Variants in ZNF804A observed in about 807,000 individuals in gnomAD.
The protein encoded by ZNF804A is zinc finger protein 804A.
A neutral mutation model predicts 16.5 loss-of-function variants in ZNF804A; 2 were observed. That is an observed-to-expected ratio of 0.12 (90% CI 0.05 to 0.38). The LOEUF (loss-of-function observed/expected upper bound fraction) is 0.38. Among genes scored for constraint, ZNF804A ranks in the 10% least tolerant of loss-of-function variants. The pLI, the probability that ZNF804A is intolerant of heterozygous loss-of-function variation, is 0.99. For synonymous variants in ZNF804A, 534 were observed against 489.6 expected, an observed-to-expected ratio of 1.09 and a Z score of -1.20; for missense variants, 1,473 against 1,390.7, an observed-to-expected ratio of 1.06 and a Z score of -0.94.
chr2:184,924,180 G>T (rs1685574080), intron 2 of ZNF804A, among the ~76,000 whole-genome samples: 1 of 151,840 alleles, frequency 6.6e-6, no homozygotes, highest in Non-Finnish European at 1.5e-5. Flanking sequence ...GTTCAATTCA[G>T]TAGTAAAGTC....
intron 1 of ZNF804A, among the ~76,000 whole-genome samples, chr2:184,752,041 T>C (rs1378492507): frequency 6.6e-6 from 1 of 151,682 alleles, no homozygotes; most frequent in Non-Finnish European, 1.5e-5. Context: ...GGGTAGTATA[T>C]TAGTTTAACC....
chr2:184,603,295 T>C (rs571524818), intron 1 of ZNF804A, among the ~76,000 whole-genome samples: 1 of 152,266 alleles, frequency 6.6e-6, no homozygotes, highest in Non-Finnish European at 1.5e-5. Context: ...TCATTTTGAA[T>C]CTGTTAAAAA....
chr2:184,749,404 C>G (rs1693842322), intron 1 of ZNF804A, among the ~76,000 whole-genome samples: 1 of 150,924 alleles, frequency 6.6e-6, no homozygotes, highest in African/African-American at 2.4e-5. Flanking sequence ...GAGCAATGCT[C>G]CTGATATTTG....
chr2:184,912,457 G>A (rs1393879513), intron 2 of ZNF804A, among the ~76,000 whole-genome samples: 1 of 151,726 alleles, frequency 6.6e-6, no homozygotes, highest in African/African-American at 2.4e-5. Flanking sequence ...AAACAATTTG[G>A]GCATATACCT....
At position 184,773,267 on chromosome 2, in the gene ZNF804A, GT is replaced by G. The variant is rs35543924; in HGVS notation, c.112-93095del. On this transcript the variant is annotated intron_variant, in intron 1 of 3. Transcript: ENST00000302277. ...AGTTCTTTTAGATTTTTGTTTGTTT[GT>G]TTTTTTAACCTGGTCATCAATTCTC... 2.4e-4 allele frequency among the ~76,000 whole-genome samples: 36 copies of G among 151,380 alleles called. 1 individual carries two copies. The highest frequency in any genetic ancestry group is 1.4e-3 in the East Asian group (7 of 5,084).
chr2:184,789,695 T>G (rs1321413589), intron 1 of ZNF804A, among the ~76,000 whole-genome samples: 1 of 152,164 alleles, frequency 6.6e-6, no homozygotes, highest in African/African-American at 2.4e-5. Flanking sequence ...CCTTTATTAT[T>G]TCTGATTATA....
At chr2:184,822,107 G>A (rs1695095797) in intron 1 of ZNF804A, among the ~76,000 whole-genome samples, 1 of 152,118 alleles carries the variant, frequency 6.6e-6, no homozygotes, top group Non-Finnish European at 1.5e-5. Flanking sequence ...AAAGACACAT[G>A]CATGTGTATG....
chr2:184,695,317 C>A (rs971249333), intron 1 of ZNF804A, among the ~76,000 whole-genome samples: 3 of 151,138 alleles, frequency 2.0e-5, no homozygotes, highest in Non-Finnish European at 3.0e-5. Context: ...AAAAATTAGC[C>A]GGGTGAGGTG....
At chr2:184,866,682 T>C (rs1695881821) in intron 2 of ZNF804A, among the ~76,000 whole-genome samples, 170 bp downstream of exon 2, 1 of 151,386 alleles carries the variant, frequency 6.6e-6, no homozygotes, top group South Asian at 2.1e-4. Flanking sequence ...AAAATCCTTT[T>C]TTTTTTTTTT....
chr2:184,824,697 G>A (rs543802955), intron 1 of ZNF804A, among the ~76,000 whole-genome samples: 1 of 152,274 alleles, frequency 6.6e-6, no homozygotes, highest in South Asian at 2.1e-4. Flanking sequence ...AAGTTAGGAA[G>A]GATACCGTGT....
At chr2:184,846,504 G>C (rs960430454) in intron 1 of ZNF804A, among the ~76,000 whole-genome samples, 2 of 152,084 alleles carry the variant, frequency 1.3e-5, no homozygotes, top group South Asian at 4.2e-4. Context: ...AAAATTATAT[G>C]TATGGATTTT....
intron 1 of ZNF804A, among the ~76,000 whole-genome samples, chr2:184,677,470 A>T (rs1692457977): frequency 2.0e-5 from 3 of 152,010 alleles, no homozygotes; most frequent in Admixed American, 6.6e-5. Flanking sequence ...GAGATAGAAC[A>T]GATCTTGAAA....
rs1304299350 is a variant in ZNF804A, at chr2:184,644,218, C to G, written c.111+45148C>G. On this transcript the variant is annotated intron_variant, in intron 1 of 3. Transcript: ENST00000302277. ...GAACCAAGGAGAGATATGAAGATTG[C>G]AATACAGCTATATATCATATATATA... Among the ~76,000 whole-genome samples, 7 of 132,870 alleles carry G rather than the reference C, an allele frequency of 5.3e-5. No individual in the cohort carries two copies. The East Asian group carries it at 1.4e-3, about 26-fold the overall frequency. 87.2% of individuals were successfully genotyped at this position (132,870 alleles called of 152,430 possible).
chr2:184,815,152 C>T (rs981331128), intron 1 of ZNF804A, among the ~76,000 whole-genome samples: 1 of 151,880 alleles, frequency 6.6e-6, no homozygotes, highest in African/African-American at 2.4e-5. Context: ...GTGAGTGATA[C>T]AGTGAAGTTA....
At chr2:184,613,324 A>G (rs1691268758) in intron 1 of ZNF804A, among the ~76,000 whole-genome samples, 1 of 152,264 alleles carries the variant, frequency 6.6e-6, no homozygotes, top group South Asian at 2.1e-4. Flanking sequence ...CTCACTACAC[A>G]CCATGGTAGT....
chr2:184,739,516 C>A (rs1357062681), intron 1 of ZNF804A, among the ~76,000 whole-genome samples: 1 of 152,120 alleles, frequency 6.6e-6, no homozygotes, highest in East Asian at 1.9e-4. Context: ...GCCTCAGCCT[C>A]CTTAGTAGCT....
chr2:184,852,229 T>TCTCTCTC (rs1695615721), intron 1 of ZNF804A, among the ~76,000 whole-genome samples: 3 of 134,666 alleles, frequency 2.2e-5, no homozygotes, highest in African/African-American at 8.4e-5. Context: ...TGCGGTCTCT[T>TCTCTCTC]TCTCTCTCTC....
chr2:184,912,090 T>G (rs529015813), intron 2 of ZNF804A, among the ~76,000 whole-genome samples: 45 of 151,974 alleles, frequency 3.0e-4, no homozygotes, highest in Non-Finnish European at 6.2e-4. Context: ...CACCATCCTT[T>G]TCTAGTTCCA....
At chr2:184,927,477 A>C (rs931434630) in intron 2 of ZNF804A, among the ~76,000 whole-genome samples, 2 of 152,212 alleles carry the variant, frequency 1.3e-5, no homozygotes, top group Non-Finnish European at 1.5e-5. Context: ...GGTCTTACCC[A>C]AAGCCTGCTG....
Sources: allele counts gnomAD v4.1 joint callset (sites outside exome capture counted in the v4.1 genomes callset), GRCh38; gene constraint gnomAD v4.1.1; transcripts MANE v1.5; gene names NCBI Gene and HGNC (gene_info 2026-07-23, HGNC 2026-07-21).